Variants in ZC4H2 observed in about 807,000 individuals in gnomAD.
The protein encoded by ZC4H2 is zinc finger C4H2-type containing.
For missense variants in ZC4H2, 137 were observed against 173.9 expected, an observed-to-expected ratio of 0.79 and a Z score of 1.19; for synonymous variants, 84 against 66.3, an observed-to-expected ratio of 1.27 and a Z score of -1.30.
intron 1 of ZC4H2, among the ~76,000 whole-genome samples, chrX:64,925,597 G>A (rs1210874681): frequency 8.9e-6 from 1 of 111,933 alleles, no homozygotes; most frequent in African/African-American, 3.3e-5. Context: ...GCATAGTGCA[G>A]CTAGCCCTGC....
chrX:64,952,175 C>A (rs1180543365), intron 1 of ZC4H2, among the ~76,000 whole-genome samples: 1 of 110,482 alleles, frequency 9.1e-6, no homozygotes, highest in African/African-American at 3.3e-5. Flanking sequence ...TGTTTTGGTA[C>A]CAGTACCATG....
At chrX:64,968,614 T>C (rs1447662857) in intron 1 of ZC4H2, among the ~76,000 whole-genome samples, 2 of 111,421 alleles carry the variant, frequency 1.8e-5, no homozygotes, top group Non-Finnish European at 3.8e-5. Flanking sequence ...CAATTTTATA[T>C]ATAAAATTTC....
intron 1 of ZC4H2, among the ~76,000 whole-genome samples, chrX:65,021,387 A>C (rs1364928062): frequency 3.6e-5 from 4 of 111,276 alleles, no homozygotes; most frequent in Non-Finnish European, 5.6e-5. Flanking sequence ...CCTCACAACT[A>C]TATGGAAACT....
intron 1 of ZC4H2, among the ~76,000 whole-genome samples, chrX:64,923,270 G>A (rs1929285614): frequency 8.9e-6 from 1 of 111,739 alleles, no homozygotes. Context: ...AGTTTCAAGG[G>A]CCTTTAATAA....
In ZC4H2 at chrX:65,007,551, G is replaced by A. The variant is rs200699241; in HGVS notation, c.-272+27078C>T. Among the ~76,000 whole-genome samples the A allele has an allele frequency of 3.6e-5, 4 of 111,603 alleles. No homozygotes were observed. The East Asian group carries it at 1.1e-3, about 31-fold the overall frequency. On this transcript the variant is annotated intron_variant, in intron 1 of 4. Coordinates refer to the ZC4H2 transcript ENST00000337990. ...GTCTTTAATATCTGGCTCTGAAGAG[G>A]GGAAAAAGAGAAAAGTAACAGGGGA...
intron 1 of ZC4H2, among the ~76,000 whole-genome samples, chrX:65,019,960 A>C (rs1003240543): frequency 1.5e-4 from 17 of 112,150 alleles, no homozygotes; most frequent in African/African-American, 4.9e-4. Context: ...AACTCAATGA[A>C]ATAAAGCATG....
intron 1 of ZC4H2, among the ~76,000 whole-genome samples, chrX:64,947,749 G>T (rs914366188): frequency 9.9e-5 from 11 of 111,611 alleles, no homozygotes; most frequent in Non-Finnish European, 1.7e-4. Context: ...CCACTGATAC[G>T]CTGCTGAGTG....
At chrX:64,952,992 G>A (rs183787077) in intron 1 of ZC4H2, among the ~76,000 whole-genome samples, 2 of 111,628 alleles carry the variant, frequency 1.8e-5, no homozygotes, top group Admixed American at 9.5e-5. Context: ...CAATGGAACA[G>A]AACAGAACCC....
chrX:64,972,298 T>A (rs1049104463), intron 1 of ZC4H2, among the ~76,000 whole-genome samples: 1 of 111,078 alleles, frequency 9.0e-6, no homozygotes, highest in African/African-American at 3.3e-5. Flanking sequence ...GCTTCTGATG[T>A]TTTTCCCACT....
intron 1 of ZC4H2, among the ~76,000 whole-genome samples, chrX:65,016,990 A>G (rs1932802029): frequency 1.8e-5 from 2 of 112,255 alleles, no homozygotes; most frequent in African/African-American, 6.5e-5. Context: ...TGATCCAGGC[A>G]TGTCTCACAT....
chrX:64,957,088 A>G (rs1931188989), intron 1 of ZC4H2, among the ~76,000 whole-genome samples: 1 of 112,610 alleles, frequency 8.9e-6, no homozygotes, highest in Non-Finnish European at 1.9e-5. Flanking sequence ...GACAAGATTG[A>G]AAACGTAACT....
intron 1 of ZC4H2, among the ~76,000 whole-genome samples, chrX:64,960,981 T>G (rs1931366531): frequency 9.0e-6 from 1 of 111,547 alleles, no homozygotes; most frequent in Non-Finnish European, 1.9e-5. Flanking sequence ...TCTGTAGTGT[T>G]TCTTAAGCCT....
intron 1 of ZC4H2, among the ~76,000 whole-genome samples, 177 bp downstream of exon 1, chrX:64,976,148 G>GTC (rs756557563): frequency 1.3e-4 from 14 of 109,871 alleles, no homozygotes; most frequent in East Asian, 2.9e-4. Flanking sequence ...CTGGCAAGAG[G>GTC]TCTCTCTCTC....
chrX:64,999,418 T>C (rs1602446511), intron 1 of ZC4H2, among the ~76,000 whole-genome samples: 1 of 112,504 alleles, frequency 8.9e-6, no homozygotes, highest in Non-Finnish European at 1.9e-5. Flanking sequence ...ACAGATACTA[T>C]GCTTTGCCCA....
chrX:64,955,265 T>C (rs1931109500), intron 1 of ZC4H2, among the ~76,000 whole-genome samples: 1 of 111,865 alleles, frequency 8.9e-6, no homozygotes, highest in African/African-American at 3.2e-5. Context: ...TCAGTTGTCA[T>C]TTTCAATGCA....
chrX:64,952,822 T>C (rs763983457), intron 1 of ZC4H2, among the ~76,000 whole-genome samples: 1 of 110,737 alleles, frequency 9.0e-6, no homozygotes, highest in African/African-American at 3.3e-5. Context: ...AAAAAACTAC[T>C]GTAAAGTTCA....
At chrX:64,952,253 C>T (rs1930883490) in intron 1 of ZC4H2, among the ~76,000 whole-genome samples, 1 of 109,854 alleles carries the variant, frequency 9.1e-6, no homozygotes, top group Non-Finnish European at 1.9e-5. Flanking sequence ...CAGCTTTGTT[C>T]TTTTGGCTTA....
chrX:64,959,235 G>C (rs1414925091), intron 1 of ZC4H2, among the ~76,000 whole-genome samples: 1 of 107,998 alleles, frequency 9.3e-6, no homozygotes, highest in Admixed American at 1.0e-4. Flanking sequence ...AAATAGCCTA[G>C]GTCCCCAATA....
intron 1 of ZC4H2, among the ~76,000 whole-genome samples, chrX:65,001,172 AG>A: frequency 9.0e-6 from 1 of 111,482 alleles, no homozygotes; most frequent in Admixed American, 9.5e-5. Flanking sequence ...AAAAATGTTA[AG>A]GGCAGCCAGA....
Sources: allele counts gnomAD v4.1 joint callset (sites outside exome capture counted in the v4.1 genomes callset), GRCh38; gene constraint gnomAD v4.1.1; transcripts MANE v1.5; gene names NCBI Gene and HGNC (gene_info 2026-07-23, HGNC 2026-07-21).